Variants in ARPC2 observed in about 807,000 individuals in gnomAD.
ARPC2 encodes the protein actin-related protein 2/3 complex subunit 2.
A neutral mutation model predicts 38.6 loss-of-function variants in ARPC2; 4 were observed. That is an observed-to-expected ratio of 0.10 (90% CI 0.05 to 0.24). The LOEUF (loss-of-function observed/expected upper bound fraction) is 0.24. Among genes scored for constraint, ARPC2 ranks in the 10% least tolerant of loss-of-function variants. The pLI, the probability that ARPC2 is intolerant of heterozygous loss-of-function variation, is 1.00. For synonymous variants in ARPC2, 125 were observed against 140.8 expected (o/e 0.89, Z 0.79); for missense variants, 229 against 387.3 (o/e 0.59, Z 3.43).
intron 7 of ARPC2, among the ~76,000 whole-genome samples, chr2:218,242,781 A>G (rs1425381384): frequency 6.6e-6 from 1 of 152,114 alleles, no homozygotes; most frequent in Non-Finnish European, 1.5e-5. Flanking sequence ...TGATTTTCTT[A>G]TGAAGTGTCT....
chr2:218,240,893 C>CA (rs11379394), intron 7 of ARPC2, among the ~76,000 whole-genome samples: 134,725 of 150,274 alleles, frequency 0.9, 60,885 homozygotes, highest in East Asian at 1. Context: ...AACTCCGACT[C>CA]AAAAAAAAAG....
At chr2:218,218,298 T>A (rs1163518569) in intron 2 of ARPC2, among the ~76,000 whole-genome samples, 1 of 152,228 alleles carries the variant, frequency 6.6e-6, no homozygotes, top group African/African-American at 2.4e-5. Context: ...TGTGATTTCT[T>A]CTGTGGTAGC....
At chr2:218,217,574 G>T in intron 2 of ARPC2, 30 bp downstream of exon 2, 2 of 1,591,108 alleles carry the variant, frequency 1.3e-6, no homozygotes, top group Non-Finnish European at 1.7e-6. Flanking sequence ...CGGGGGTGGC[G>T]GGGGAAGCAG....
At chr2:218,239,366 T>C (rs760113642) in intron 6 of ARPC2, 25 bp from the exon 7 acceptor site, 33 of 1,535,514 alleles carry the variant, frequency 2.1e-5, no homozygotes, top group African/African-American at 2.7e-5. Flanking sequence ...TCTGTACTTA[T>C]CCTCATGGAT....
chr2:218,249,162 C>G (rs895703319), intron 8 of ARPC2, among the ~76,000 whole-genome samples: 7 of 152,182 alleles, frequency 4.6e-5, no homozygotes, highest in African/African-American at 1.7e-4. Flanking sequence ...GTGGGCTCCT[C>G]CATTCACGCT....
At chr2:218,217,603 C>G in intron 2 of ARPC2, 59 bp downstream of exon 2, 3 of 1,507,590 alleles carry the variant, frequency 2.0e-6, no homozygotes, top group Non-Finnish European at 2.7e-6. Context: ...CCAGCTAATC[C>G]CCAATGTTGT....
chr2:218,253,601 G>C (rs1400764935), intron 10 of ARPC2, among the ~76,000 whole-genome samples: 3 of 152,222 alleles, frequency 2.0e-5, no homozygotes, highest in Non-Finnish European at 2.9e-5. Flanking sequence ...TCCAGAAATT[G>C]TGAACAAGTG....
At chr2:218,250,717 T>G (rs1457384978) in intron 10 of ARPC2, among the ~76,000 whole-genome samples, 1 of 151,684 alleles carries the variant, frequency 6.6e-6, no homozygotes, top group Non-Finnish European at 1.5e-5. Context: ...TGGCTCTGCA[T>G]GCAGGAAAGG....
intron 5 of ARPC2, chr2:218,234,614 A>G (rs1443547126): frequency 5.3e-6 from 3 of 564,286 alleles, no homozygotes; most frequent in Non-Finnish European, 6.3e-6. Context: ...GATGTGTGAC[A>G]TTTTTAACAT....
intron 3 of ARPC2, 122 bp downstream of exon 3, chr2:218,226,076 C>A: frequency 1.1e-6 from 1 of 929,476 alleles, no homozygotes; most frequent in Admixed American, 1.9e-5. Flanking sequence ...AGGTGGATCA[C>A]CTGATGTCAA....
chr2:218,230,362 GCCAC>G (rs1689606727), intron 4 of ARPC2, among the ~76,000 whole-genome samples: 1 of 119,726 alleles, frequency 8.4e-6, no homozygotes, highest in Non-Finnish European at 1.6e-5. Flanking sequence ...CACAATCACA[GCCAC>G]TGCACCCCTC....
intron 8 of ARPC2, among the ~76,000 whole-genome samples, chr2:218,246,062 A>G (rs1690023068): frequency 6.6e-6 from 1 of 152,032 alleles, no homozygotes; most frequent in Admixed American, 6.6e-5. Flanking sequence ...AAAATACAAA[A>G]AAAAATTAGC....
chr2:218,245,346 C>T, intron 7 of ARPC2, 74 bp from the exon 8 acceptor site: 1 of 1,598,760 alleles, frequency 6.3e-7, no homozygotes, highest in East Asian at 2.2e-5. Context: ...CCACATAGAA[C>T]AAACCCTATA....
intron 2 of ARPC2, among the ~76,000 whole-genome samples, chr2:218,224,750 A>G (rs1177266570): frequency 6.6e-6 from 1 of 152,118 alleles, no homozygotes; most frequent in Admixed American, 6.5e-5. Context: ...GTATAGGTTG[A>G]TTTTTCAGCA....
chr2:218,238,318 C>T (rs1689821667), intron 5 of ARPC2, among the ~76,000 whole-genome samples: 1 of 152,172 alleles, frequency 6.6e-6, no homozygotes, highest in African/African-American at 2.4e-5. Flanking sequence ...TCAGAGTTCC[C>T]AGGTTCTGAC....
chr2:218,248,399 T>C (rs1356936144), intron 8 of ARPC2, among the ~76,000 whole-genome samples: 2 of 152,194 alleles, frequency 1.3e-5, no homozygotes, highest in Non-Finnish European at 2.9e-5. Context: ...TAAAAACGAT[T>C]CCAGAAAACC....
At chr2:218,249,726 T>C in intron 9 of ARPC2, 95 bp from the exon 10 acceptor site, 1 of 1,248,532 alleles carries the variant, frequency 8.0e-7, no homozygotes, top group Non-Finnish European at 1.1e-6. Context: ...GGGTGTATGT[T>C]CCCAACCGCC....
chr2:218,221,921 C>G (rs1248774511), intron 2 of ARPC2, among the ~76,000 whole-genome samples: 1 of 152,058 alleles, frequency 6.6e-6, no homozygotes, highest in Non-Finnish European at 1.5e-5. Context: ...TCAGTAATTC[C>G]TCTAATTCAG....
intron 2 of ARPC2, among the ~76,000 whole-genome samples, chr2:218,220,188 A>G (rs1392240374): frequency 6.6e-6 from 1 of 152,122 alleles, no homozygotes; most frequent in African/African-American, 2.4e-5. Flanking sequence ...AACCCTGGAG[A>G]TTTGAAAGGC....
Sources: allele counts gnomAD v4.1 joint callset (sites outside exome capture counted in the v4.1 genomes callset), GRCh38; gene constraint gnomAD v4.1.1; transcripts MANE v1.5; gene names NCBI Gene and HGNC (gene_info 2026-07-23, HGNC 2026-07-21).